Variants in CEP85L observed in about 807,000 individuals in gnomAD.
The protein encoded by CEP85L is centrosomal protein 85L.
Under a neutral mutation model 100.3 loss-of-function variants are expected in CEP85L, and 60 were observed. The ratio of observed to expected loss-of-function variants is 0.60; its 90% CI spans 0.49 to 0.74. The LOEUF is 0.74. Among genes scored for constraint, CEP85L ranks in the 30% least tolerant of loss-of-function variants. The probability of loss-of-function intolerance (pLI) is 0.00; values close to 1 mark genes in which losing one functional copy is unlikely to be tolerated. For missense variants in CEP85L, 973 were observed against 936.2 expected (o/e 1.04, Z -0.51); for synonymous variants, 319 against 322.7 (o/e 0.99, Z 0.12).
intron 3 of CEP85L, among the ~76,000 whole-genome samples, chr6:118,551,979 T>C (rs989382387): frequency 5.9e-5 from 9 of 152,042 alleles, no homozygotes; most frequent in African/African-American, 1.4e-4. Flanking sequence ...CATTCACTTA[T>C]GGCTTATCAG....
At chr6:118,692,743 T>A (rs1777085356) in intron 1 of CEP85L, among the ~76,000 whole-genome samples, 4 of 152,334 alleles carry the variant, frequency 2.6e-5, no homozygotes, top group South Asian at 2.1e-4. Flanking sequence ...AGTGAGCTAG[T>A]TAAGGGCAGA....
chr6:118,622,440 T>C (rs1773511611), intron 2 of CEP85L, among the ~76,000 whole-genome samples: 1 of 152,166 alleles, frequency 6.6e-6, no homozygotes, highest in African/African-American at 2.4e-5. Flanking sequence ...CTCTTAGAAG[T>C]TCCTTTAACT....
At chr6:118,616,572 C>T (rs1197582738) in intron 2 of CEP85L, among the ~76,000 whole-genome samples, 2 of 150,858 alleles carry the variant, frequency 1.3e-5, no homozygotes, top group Non-Finnish European at 2.9e-5. Context: ...GGGAGGGAAC[C>T]TGTGCTCTGT....
At chr6:118,592,984 TAGTG>T (rs55959442) in intron 2 of CEP85L, among the ~76,000 whole-genome samples, 24,865 of 152,044 alleles carry the variant, frequency 0.16, 2,134 homozygotes, top group Non-Finnish European at 0.19. Context: ...AAGAAAAAGA[TAGTG>T]AGAACAAGAA....
At chr6:118,630,216 G>T (rs1774057751) in intron 2 of CEP85L, among the ~76,000 whole-genome samples, 1 of 152,080 alleles carries the variant, frequency 6.6e-6, no homozygotes, top group Non-Finnish European at 1.5e-5. Context: ...GAATATTCAT[G>T]GTTCCTTCTG....
chr6:118,601,803 G>C (rs754421157), intron 2 of CEP85L, among the ~76,000 whole-genome samples: 1 of 152,118 alleles, frequency 6.6e-6, no homozygotes, highest in Non-Finnish European at 1.5e-5. Context: ...TGGGAGTGTC[G>C]CAGTGAGGAC....
At chr6:118,470,489 T>C in intron 11 of CEP85L, 48 bp downstream of exon 11, 1 of 1,102,878 alleles carries the variant, frequency 9.1e-7, no homozygotes, top group South Asian at 1.7e-5. Context: ...AATAAGCATT[T>C]TATAGTGAAT....
At chr6:118,530,567 A>T (rs1029468139) in intron 3 of CEP85L, among the ~76,000 whole-genome samples, 2 of 152,166 alleles carry the variant, frequency 1.3e-5, no homozygotes, top group African/African-American at 4.8e-5. Context: ...ATAGGAAGAG[A>T]GAAGTCAAAC....
chr6:118,469,945 A>G (rs1441629147), intron 11 of CEP85L, among the ~76,000 whole-genome samples: 1 of 152,178 alleles, frequency 6.6e-6, no homozygotes. Context: ...AAGGATAAAA[A>G]GAACTAAAAA....
intron 5 of CEP85L, chr6:118,501,742 G>GAAAA: frequency 2.4e-6 from 2 of 839,852 alleles, no homozygotes; most frequent in Non-Finnish European, 4.0e-6. Context: ...TGGCTAACTT[G>GAAAA]AAAAAACTTG....
intron 6 of CEP85L, among the ~76,000 whole-genome samples, chr6:118,491,152 C>A (rs1368163193): frequency 6.6e-6 from 1 of 151,170 alleles, no homozygotes; most frequent in African/African-American, 2.4e-5. Context: ...TACATTCTCA[C>A]CAATAGTGTA....
At chr6:118,677,318 C>G (rs2638550) in intron 1 of CEP85L, among the ~76,000 whole-genome samples, 68,933 of 151,898 alleles carry the variant, frequency 0.45, 16,271 homozygotes, top group African/African-American at 0.57. Context: ...TCTACCAGAA[C>G]TAAAATTTTG....
intron 1 of CEP85L, among the ~76,000 whole-genome samples, chr6:118,676,140 G>A (rs985822555): frequency 1.3e-5 from 2 of 151,988 alleles, no homozygotes; most frequent in African/African-American, 4.8e-5. Flanking sequence ...ATATTTATGG[G>A]CACATTATCA....
Position 118,461,572 on chromosome 6 carries a change from T to C in CEP85L, c.*3833A>G, listed in dbSNP as rs1772234794. On this transcript the variant is annotated 3_prime_UTR_variant, in exon 13 of 13. Transcript: ENST00000368491. ...GCTGCAATAGTGTTATTAGACTTGCTGATTTAAAACTATATTCTTATATTT... is the reference window on the plus strand; with the variant it reads ...GCTGCAATAGTGTTATTAGACTTGCCGATTTAAAACTATATTCTTATATTT... The C allele has an allele frequency of 1.3e-5, 2 of 152,068 alleles. No homozygotes were observed. Among genetic ancestry groups the C allele is most frequent in the African/African-American group, 4.8e-5 (2 of 41,422 alleles). The allele number at this position is 152,068 out of a possible 1,614,324, so 9.4% of individuals were successfully genotyped here. A position where few individuals can be genotyped will look rare whatever the true frequency, so the allele number is the denominator to read the frequency against.
chr6:118,594,549 C>T (rs910683021), intron 2 of CEP85L, among the ~76,000 whole-genome samples: 6 of 152,082 alleles, frequency 3.9e-5, no homozygotes, highest in African/African-American at 1.4e-4. Context: ...ACTTAAAAAT[C>T]AGCCCAAAAC....
intron 2 of CEP85L, among the ~76,000 whole-genome samples, chr6:118,599,542 A>G (rs1226736858): frequency 6.6e-6 from 1 of 152,238 alleles, no homozygotes; most frequent in African/African-American, 2.4e-5. Context: ...TGTAGAACTT[A>G]GTGCCTCTAA....
At position 118,491,611 on chromosome 6, in the gene CEP85L, G is replaced by T. The variant is rs767172160; in HGVS notation, c.1437+75C>A. 7 of 1,540,172 alleles carry T rather than the reference G, an allele frequency of 4.5e-6. No homozygotes were observed. In the South Asian group the frequency reaches 8.7e-5, roughly 19 times the overall value. Reference sequence around the variant, plus strand: ...ACATAACCTGGCATGACACCTGACAGGGTAAATGACAGACAAATAATTATA... The same window carrying T: ...ACATAACCTGGCATGACACCTGACATGGTAAATGACAGACAAATAATTATA... On this transcript the variant is annotated intron_variant, in intron 6 of 12. Coordinates refer to ENST00000368491, the MANE Select transcript of CEP85L (RefSeq NM_001042475.3).
At chr6:118,632,270 T>C (rs1583198818) in intron 2 of CEP85L, among the ~76,000 whole-genome samples, 183 bp downstream of exon 2, 1 of 152,278 alleles carries the variant, frequency 6.6e-6, no homozygotes, top group East Asian at 1.9e-4. Context: ...ATTATAGGCA[T>C]GAGCCACCGC....
At chr6:118,625,281 C>A (rs900625412) in intron 2 of CEP85L, among the ~76,000 whole-genome samples, 1 of 152,202 alleles carries the variant, frequency 6.6e-6, no homozygotes, top group African/African-American at 2.4e-5. Flanking sequence ...AAGGGCACCC[C>A]AAAAGAGTTA....
Sources: allele counts gnomAD v4.1 joint callset (sites outside exome capture counted in the v4.1 genomes callset), GRCh38; gene constraint gnomAD v4.1.1; transcripts MANE v1.5; gene names NCBI Gene and HGNC (gene_info 2026-07-23, HGNC 2026-07-21).